The following GPC6 variants were observed in gnomAD, a reference collection of about 807,000 sequenced individuals.
GPC6 encodes glypican-6.
Under a neutral mutation model 55.2 loss-of-function variants are expected in GPC6, and 14 were observed. That is an observed-to-expected ratio of 0.25 (90% CI 0.17 to 0.40). GPC6 has a LOEUF of 0.40. GPC6 is among the 10% of genes least tolerant of loss of function. The pLI is 1.00. For synonymous variants in GPC6, 278 were observed against 259.6 expected, an observed-to-expected ratio of 1.07 and a Z score of -0.68; for missense variants, 641 against 708.5, an observed-to-expected ratio of 0.90 and a Z score of 1.08.
chr13:93,396,830 C>T (rs201356411), intron 1 of GPC6, among the ~76,000 whole-genome samples: 1 of 151,914 alleles, frequency 6.6e-6, no homozygotes, highest in African/African-American at 2.4e-5. Context: ...ATATGTACTC[C>T]CTTAACTATT....
chr13:93,219,712 T>C, the GPC6 span, among the ~76,000 whole-genome samples: 3 of 152,192 alleles, frequency 2.0e-5, no homozygotes, highest in Non-Finnish European at 2.9e-5. Flanking sequence ...AATTTTAGAA[T>C]ATTCAGATTG....
At chr13:94,075,411 A>AT (rs111546995) in intron 4 of GPC6, among the ~76,000 whole-genome samples, 7,454 of 151,972 alleles carry the variant, frequency 0.049, 623 homozygotes, top group African/African-American at 0.17. Context: ...TTTGTGTTTT[A>AT]TTTTTTGCAG....
chr13:93,873,349 A>C (rs965918216), intron 3 of GPC6, among the ~76,000 whole-genome samples: 4 of 151,966 alleles, frequency 2.6e-5, no homozygotes, highest in African/African-American at 9.7e-5. Context: ...AGTGACTAGC[A>C]GCTCATCTCT....
intron 3 of GPC6, among the ~76,000 whole-genome samples, chr13:93,985,689 CAAAA>C (rs34003218): frequency 7.2e-5 from 5 of 69,396 alleles, no homozygotes; most frequent in Non-Finnish European, 1.0e-4. Flanking sequence ...AAGACCTGGC[CAAAA>C]AAAAAAAAAA....
chr13:93,614,479 T>C (rs1878633305), intron 2 of GPC6, among the ~76,000 whole-genome samples: 1 of 152,132 alleles, frequency 6.6e-6, no homozygotes, highest in South Asian at 2.1e-4. Flanking sequence ...GCAAATCAGG[T>C]GTAGTAATAG....
At chr13:93,961,954 G>A (rs138434709) in intron 3 of GPC6, among the ~76,000 whole-genome samples, 12 of 152,234 alleles carry the variant, frequency 7.9e-5, no homozygotes, top group East Asian at 7.7e-4. Flanking sequence ...TCTGTAGTTC[G>A]TTGCTGTTCA....
intron 1 of GPC6, among the ~76,000 whole-genome samples, chr13:93,473,709 C>A (rs542072113): frequency 1.3e-5 from 2 of 152,336 alleles, no homozygotes; most frequent in South Asian, 2.1e-4. Context: ...CCCCTACTGG[C>A]AGATGGCTTG....
At chr13:93,578,340 T>A (rs1286709182) in intron 2 of GPC6, among the ~76,000 whole-genome samples, 3 of 152,100 alleles carry the variant, frequency 2.0e-5, no homozygotes, top group Non-Finnish European at 4.4e-5. Context: ...GGCTTTTCTT[T>A]GATGAGAGAC....
At chr13:94,234,195 A>G (rs1412745359) in intron 4 of GPC6, among the ~76,000 whole-genome samples, 4 of 152,166 alleles carry the variant, frequency 2.6e-5, no homozygotes, top group African/African-American at 9.7e-5. Context: ...CTAAATGCTA[A>G]AGCCAGTATT....
chr13:93,792,178 A>C (rs1430556967), intron 2 of GPC6, among the ~76,000 whole-genome samples: 1 of 152,256 alleles, frequency 6.6e-6, no homozygotes, highest in Non-Finnish European at 1.5e-5. Flanking sequence ...CCTTGCCTTC[A>C]TGCAGGTGAT....
chr13:93,667,858 G>A (rs1244826053), intron 2 of GPC6, among the ~76,000 whole-genome samples: 1 of 151,248 alleles, frequency 6.6e-6, no homozygotes, highest in African/African-American at 2.4e-5. Flanking sequence ...AAAACTCCAC[G>A]GCTTGAGTTA....
At chr13:93,375,573 A>G (rs555952006) in intron 1 of GPC6, among the ~76,000 whole-genome samples, 2 of 152,258 alleles carry the variant, frequency 1.3e-5, no homozygotes, top group African/African-American at 4.8e-5. Flanking sequence ...CCGTTTTACT[A>G]CCAGAGGAAA....
intron 1 of GPC6, among the ~76,000 whole-genome samples, chr13:93,486,661 T>C (rs1438435097): frequency 1.3e-5 from 2 of 152,106 alleles, no homozygotes; most frequent in Non-Finnish European, 2.9e-5. Context: ...TAAGAGACCA[T>C]CTTGGCCGGG....
chr13:93,233,225 A>G (rs1876120589), intron 1 of GPC6, among the ~76,000 whole-genome samples: 1 of 152,154 alleles, frequency 6.6e-6, no homozygotes, highest in Admixed American at 6.6e-5. Flanking sequence ...AAAGGGTTCC[A>G]TAGTGGTGAG....
chr13:94,107,061 T>G (rs1268768473), intron 4 of GPC6, among the ~76,000 whole-genome samples: 1 of 151,970 alleles, frequency 6.6e-6, no homozygotes, highest in Non-Finnish European at 1.5e-5. Flanking sequence ...ATCAAGGGCA[T>G]GAAAGGAGCA....
At chr13:94,015,699 C>G (rs1251272160) in intron 3 of GPC6, among the ~76,000 whole-genome samples, 1 of 152,138 alleles carries the variant, frequency 6.6e-6, no homozygotes, top group Non-Finnish European at 1.5e-5. Context: ...TAGGTTCCAG[C>G]TGCATTTTTT....
At chr13:94,319,387 G>A (rs1474112869) in intron 6 of GPC6, among the ~76,000 whole-genome samples, 2 of 152,072 alleles carry the variant, frequency 1.3e-5, no homozygotes, top group South Asian at 4.1e-4. Context: ...CAACTTATAT[G>A]CTGTTATTAT....
Position 94,065,506 on chromosome 13 carries a change from T to G in GPC6, c.877+37612T>G, listed in dbSNP as rs143294399. ...TACATGGGACAGAAATAATGCAAAATTAAATGCATTTTCTGCAACTGACAA... is the reference window on the plus strand; with the variant it reads ...TACATGGGACAGAAATAATGCAAAAGTAAATGCATTTTCTGCAACTGACAA... On this transcript the variant is annotated intron_variant, in intron 4 of 8. Transcript: ENST00000377047. Among the ~76,000 whole-genome samples, 7 of 152,296 alleles carry G rather than the reference T, an allele frequency of 4.6e-5. No individual in the cohort carries two copies. The East Asian group carries it at 1.2e-3, about 25-fold the overall frequency.
intron 2 of GPC6, among the ~76,000 whole-genome samples, chr13:93,715,483 G>C (rs1179276806): frequency 6.6e-6 from 1 of 151,458 alleles, no homozygotes; most frequent in East Asian, 2.0e-4. Flanking sequence ...GAGGAAGGGA[G>C]GGAAGCAACG....
Sources: allele counts gnomAD v4.1 joint callset (sites outside exome capture counted in the v4.1 genomes callset), GRCh38; gene constraint gnomAD v4.1.1; transcripts MANE v1.5; gene names NCBI Gene and HGNC (gene_info 2026-07-23, HGNC 2026-07-21).